The following EPSTI1 variants were observed in gnomAD, a reference collection of about 807,000 sequenced individuals.
The protein encoded by EPSTI1 is epithelial stromal interaction 1.
Under a neutral mutation model 49.9 loss-of-function variants are expected in EPSTI1, and 66 were observed. The ratio of observed to expected loss-of-function variants is 1.32; its 90% CI spans 1.08 to 1.62. The LOEUF (loss-of-function observed/expected upper bound fraction) is 1.62. EPSTI1 is among the 40% of genes most tolerant of loss of function. The pLI is 0.00. For missense variants in EPSTI1, 394 were observed against 365.5 expected (o/e 1.08, Z -0.64); for synonymous variants, 137 against 130.7 (o/e 1.05, Z -0.33).
Position 42,913,603 on chromosome 13 carries a change from G to A in EPSTI1, c.741+3938C>T, listed in dbSNP as rs186899492. On this transcript the variant is annotated intron_variant, in intron 8 of 10. Coordinates refer to ENST00000313624, the MANE Select transcript of EPSTI1 (RefSeq NM_033255.5). ...TCTCATGAAGAGTTAGACCACTTTG[G>A]GAATAAATCCCTGGAGCTGGGGTAG... Among the ~76,000 whole-genome samples the A allele has an allele frequency of 1.9e-3, 296 of 152,264 alleles. 1 individual carries two copies. The highest frequency in any genetic ancestry group is 6.5e-3 in the African/African-American group (270 of 41,546).
At chr13:42,899,290 C>G (rs1424097997) in intron 9 of EPSTI1, among the ~76,000 whole-genome samples, 2 of 152,044 alleles carry the variant, frequency 1.3e-5, no homozygotes, top group East Asian at 3.9e-4. Flanking sequence ...AGTTAGCATG[C>G]TTCCCCACCA....
intron 1 of EPSTI1, among the ~76,000 whole-genome samples, chr13:42,987,823 A>T (rs928634594): frequency 6.6e-5 from 10 of 152,164 alleles, no homozygotes; most frequent in Non-Finnish European, 8.8e-5. Flanking sequence ...TAAGCTAGAG[A>T]TCCTCTCATT....
chr13:42,972,100 T>G (rs186608586), intron 1 of EPSTI1, among the ~76,000 whole-genome samples: 5 of 152,184 alleles, frequency 3.3e-5, no homozygotes, highest in Non-Finnish European at 7.3e-5. Context: ...TGGTGAGCCA[T>G]GCTACAGAGA....
chr13:42,987,386 G>A (rs1215667253), intron 1 of EPSTI1, among the ~76,000 whole-genome samples: 1 of 151,938 alleles, frequency 6.6e-6, no homozygotes, highest in African/African-American at 2.4e-5. Context: ...TGATCCTGTA[G>A]ACCAAAGCTC....
chr13:42,949,120 T>A lies in EPSTI1; in HGVS notation c.563+4828A>T, dbSNP rs144602633. Among the ~76,000 whole-genome samples, 722 of 152,282 alleles carry A rather than the reference T, an allele frequency of 4.7e-3. 7 individuals are homozygous for A. The highest frequency in any genetic ancestry group is 0.016 in the African/African-American group (666 of 41,564). On this transcript the variant is annotated intron_variant, in intron 6 of 10. Coordinates refer to ENST00000313624, the MANE Select transcript of EPSTI1 (RefSeq NM_033255.5). ...GCATCACACGACAGATAGCAGACCC[T>A]GAAGGAAATAAAAATTTTTTACCCC...
At chr13:42,955,089 C>T (rs1484531348) in intron 5 of EPSTI1, among the ~76,000 whole-genome samples, 2 of 152,036 alleles carry the variant, frequency 1.3e-5, no homozygotes, top group Admixed American at 1.3e-4. Flanking sequence ...AGGAAATTTA[C>T]TACAGTCAAA....
chr13:42,928,373 G>A (rs1184495578), intron 6 of EPSTI1, among the ~76,000 whole-genome samples: 1 of 152,062 alleles, frequency 6.6e-6, no homozygotes, highest in African/African-American at 2.4e-5. Flanking sequence ...CCTGTTTGAG[G>A]GGCAAACGAA....
At chr13:42,989,056 T>TTTC (rs72300421) in intron 1 of EPSTI1, among the ~76,000 whole-genome samples, 6 of 129,518 alleles carry the variant, frequency 4.6e-5, no homozygotes, top group Non-Finnish European at 3.4e-5. Flanking sequence ...TTTTTTTTTT[T>TTTC]TGGAGAGACA....
chr13:42,892,604 A>G (rs2037069572), intron 10 of EPSTI1, among the ~76,000 whole-genome samples: 1 of 152,224 alleles, frequency 6.6e-6, no homozygotes, highest in Admixed American at 6.5e-5. Flanking sequence ...TGTCTATTAC[A>G]TATCTTGGAT....
At chr13:42,902,540 T>A (rs1034798908) in intron 8 of EPSTI1, among the ~76,000 whole-genome samples, 16 of 152,210 alleles carry the variant, frequency 1.1e-4, no homozygotes, top group Admixed American at 2.6e-4. Context: ...TTTAAAAAAA[T>A]TCCTGTATTT....
chr13:42,949,226 T>C (rs2039018911), intron 6 of EPSTI1, among the ~76,000 whole-genome samples: 1 of 152,216 alleles, frequency 6.6e-6, no homozygotes, highest in Non-Finnish European at 1.5e-5. Context: ...GTAGAGACAC[T>C]CTTACCCCTT....
chr13:42,899,987 C>T (rs1300225412), intron 9 of EPSTI1, among the ~76,000 whole-genome samples: 1 of 152,146 alleles, frequency 6.6e-6, no homozygotes, highest in Non-Finnish European at 1.5e-5. Flanking sequence ...ACTATCGTCT[C>T]AAACTAGGAT....
chr13:42,984,381 A>C lies in EPSTI1; in HGVS notation c.188+7597T>G, dbSNP rs570380645. ...CTGAACATTGCAGTGAGGAAGAAAT[A>C]GTGAAAACAGTTCTAATATGCTCTA... On this transcript the variant is annotated intron_variant, in intron 1 of 10. Coordinates refer to ENST00000313624, the MANE Select transcript of EPSTI1 (RefSeq NM_033255.5). Among the ~76,000 whole-genome samples, 4 of 152,352 alleles carry C rather than the reference A, an allele frequency of 2.6e-5. 1 individual carries two copies. In the South Asian group the frequency reaches 8.3e-4, roughly 32 times the overall value.
intron 6 of EPSTI1, among the ~76,000 whole-genome samples, chr13:42,938,349 T>A (rs1036128619): frequency 5.3e-5 from 8 of 152,066 alleles, no homozygotes; most frequent in African/African-American, 1.7e-4. Flanking sequence ...GCTTAAAATA[T>A]TCAGTAAACC....
chr13:42,959,721 G>A (rs1327116479), intron 5 of EPSTI1, among the ~76,000 whole-genome samples: 1 of 152,202 alleles, frequency 6.6e-6, no homozygotes, highest in Non-Finnish European at 1.5e-5. Context: ...AAGGAAAGGT[G>A]TTGGAAGCCA....
chr13:42,947,091 C>T (rs9533317), intron 6 of EPSTI1, among the ~76,000 whole-genome samples: 50,595 of 151,956 alleles, frequency 0.33, 8,908 homozygotes, highest in East Asian at 0.57. Context: ...TACAGGCACA[C>T]GGGCATAGAC....
chr13:42,947,477 T>C (rs372155723), intron 6 of EPSTI1, among the ~76,000 whole-genome samples: 3 of 152,200 alleles, frequency 2.0e-5, no homozygotes, highest in East Asian at 3.8e-4. Context: ...CACTGAACAA[T>C]TGTGGACATG....
chr13:42,949,575 G>C lies in EPSTI1; in HGVS notation c.563+4373C>G, dbSNP rs1417216024. Among the ~76,000 whole-genome samples, 9 of 115,664 alleles carry C rather than the reference G, an allele frequency of 7.8e-5. No individual in the cohort carries two copies. The South Asian group carries it at 1.1e-3, about 14-fold the overall frequency. The allele number at this position is 115,664 out of a possible 152,430, so 75.9% of individuals were successfully genotyped here. On this transcript the variant is annotated intron_variant, in intron 6 of 10. Coordinates refer to ENST00000313624, the MANE Select transcript of EPSTI1 (RefSeq NM_033255.5). ...CCACTGCACTCCAGCCTGGGCAACA[G>C]AACAAGACTCCATGTCAAAAAAAAA...
At chr13:42,913,970 T>C (rs2037758457) in intron 8 of EPSTI1, among the ~76,000 whole-genome samples, 1 of 152,192 alleles carries the variant, frequency 6.6e-6, no homozygotes, top group South Asian at 2.1e-4. Context: ...CTCTCTCCTG[T>C]TGGCCATGTG....
Sources: gnomAD v4.1 joint callset for allele counts (sites outside exome capture counted in the v4.1 genomes callset) on GRCh38, gnomAD v4.1.1 for gene constraint, MANE v1.5 for transcripts, NCBI Gene and HGNC (gene_info 2026-07-23, HGNC 2026-07-21) for gene names.